OCM: variants seen among roughly 807,000 people sequenced by gnomAD.
The protein encoded by OCM is oncomodulin.
A neutral mutation model predicts 14.1 loss-of-function variants in OCM; 18 were observed. The ratio of observed to expected loss-of-function variants is 1.28; its 90% CI spans 0.88 to 1.89. The LOEUF (loss-of-function observed/expected upper bound fraction) is 1.89, where lower values mean the gene tolerates loss of function less well. OCM is among the 40% of genes most tolerant of loss of function. OCM has a pLI of 0.00. For missense variants in OCM, 140 were observed against 137.6 expected, an observed-to-expected ratio of 1.02 and a Z score of -0.09; for synonymous variants, 48 against 51.0, an observed-to-expected ratio of 0.94 and a Z score of 0.25.
the OCM span, among the ~76,000 whole-genome samples, chr7:5,868,606 GTC>G: frequency 6.6e-6 from 1 of 152,238 alleles, no homozygotes; most frequent in South Asian, 2.1e-4. Flanking sequence ...ATAGCCAGTA[GTC>G]TCTCAGATAA....
Position 5,884,833 on chromosome 7 carries a change from C to G in OCM, c.304+834C>G, listed in dbSNP as rs146612449. 1.2e-3 allele frequency among the ~76,000 whole-genome samples: 182 copies of G among 151,976 alleles called. 2 individuals carry two copies. The highest frequency in any genetic ancestry group is 3.8e-3 in the African/African-American group (159 of 41,464). On this transcript the variant is annotated intron_variant, in intron 3 of 3. Coordinates refer to ENST00000242104, the MANE Select transcript of OCM (RefSeq NM_001097622.2). Reference sequence around the variant, plus strand: ...GGGGGATTGCCTTATTTAAACATAACCAGGGGCTGGGCGTGGTGGCTCAGG... The same window carrying G: ...GGGGGATTGCCTTATTTAAACATAAGCAGGGGCTGGGCGTGGTGGCTCAGG...
the OCM span, among the ~76,000 whole-genome samples, chr7:5,861,061 A>AGGT: frequency 6.6e-5 from 10 of 152,082 alleles, no homozygotes; most frequent in African/African-American, 2.4e-4. Context: ...TGTGTGCCAC[A>AGGT]GGTGGTGGTG....
chr7:5,863,531 A>ATT, the OCM span, among the ~76,000 whole-genome samples: 72 of 133,466 alleles, frequency 5.4e-4, 1 homozygote, highest in Non-Finnish European at 7.5e-4. Context: ...TGGATGGTTC[A>ATT]TTTTTTTTTT....
In OCM at chr7:5,882,421, T is replaced by A. The variant is rs575776085; in HGVS notation, c.62-72T>A. ...GTTGAAGTGTTTTTAATTATCTGTG[T>A]TTTTAGTACCTTGGCCCCAACATAG... On this transcript the variant is annotated intron_variant, in intron 1 of 3. Transcript: ENST00000242104. 880 of 1,540,472 alleles carry A rather than the reference T, an allele frequency of 5.7e-4. 8 individuals are homozygous for A. In the South Asian group the frequency reaches 5.9e-3, roughly 10 times the overall value.
At chr7:5,868,961 G>C in the OCM span, among the ~76,000 whole-genome samples, 1 of 152,228 alleles carries the variant, frequency 6.6e-6, no homozygotes, top group East Asian at 1.9e-4. Flanking sequence ...TACTTGGGAG[G>C]CTGAGATGGG....
the OCM span, among the ~76,000 whole-genome samples, chr7:5,873,595 T>C: frequency 6.6e-6 from 1 of 152,168 alleles, no homozygotes; most frequent in Admixed American, 6.6e-5. Flanking sequence ...TGCTCCTGCC[T>C]CAGCCTCCCA....
In OCM at chr7:5,886,216, A is replaced by G. The variant is rs1259568462; in HGVS notation, c.*127A>G. 4 of 1,282,730 alleles carry G rather than the reference A, an allele frequency of 3.1e-6. No homozygotes were observed. Among genetic ancestry groups the G allele is most frequent in the Non-Finnish European group, 2.2e-6 (2 of 907,756 alleles). The allele number at this position is 1,282,730 out of a possible 1,614,324, so 79.5% of individuals were successfully genotyped here. On this transcript the variant is annotated 3_prime_UTR_variant, in exon 4 of 4. Transcript: ENST00000242104. ...TTAATTTTCCCTGAAAACCTTCTGC[A>G]GTTTGCTCATTGTTTTAGTGAGGTC...
At chr7:5,863,397 A>G in the OCM span, among the ~76,000 whole-genome samples, 8 of 152,018 alleles carry the variant, frequency 5.3e-5, no homozygotes, top group Non-Finnish European at 1.0e-4. Flanking sequence ...GGAAAGATCT[A>G]TTAGGGAGAG....
At chr7:5,867,307 A>G in the OCM span, among the ~76,000 whole-genome samples, 141 of 152,146 alleles carry the variant, frequency 9.3e-4, 2 homozygotes, top group East Asian at 0.026. Context: ...GCAAGACCCC[A>G]TCTCAAAAAA....
the OCM span, among the ~76,000 whole-genome samples, chr7:5,864,390 A>G: frequency 6.6e-6 from 1 of 151,670 alleles, no homozygotes; most frequent in Non-Finnish European, 1.5e-5. Context: ...GTGTTCTAAA[A>G]AGCAGTGGCT....
chr7:5,877,892 T>C (rs1449882284), upstream of OCM, among the ~76,000 whole-genome samples: 2 of 149,180 alleles, frequency 1.3e-5, no homozygotes, highest in East Asian at 3.9e-4. Context: ...GAGGACATTA[T>C]ACTCAGTGAA....
intron 2 of OCM, among the ~76,000 whole-genome samples, chr7:5,883,008 C>T (rs2128606994): frequency 6.6e-6 from 1 of 151,992 alleles, no homozygotes; most frequent in South Asian, 2.1e-4. Context: ...ACATCCAGCT[C>T]ATTTTCATAT....
At chr7:5,860,312 C>T in the OCM span, among the ~76,000 whole-genome samples, 1 of 148,620 alleles carries the variant, frequency 6.7e-6, no homozygotes, top group Non-Finnish European at 1.5e-5. Flanking sequence ...GCATTTCACA[C>T]ATGCCTAAGC....
chr7:5,874,069 A>T, the OCM span, among the ~76,000 whole-genome samples: 1 of 150,650 alleles, frequency 6.6e-6, no homozygotes, highest in Non-Finnish European at 1.5e-5. Context: ...TAAAAAAAAA[A>T]AAAAATTAGC....
intron 2 of OCM, among the ~76,000 whole-genome samples, chr7:5,883,154 T>G (rs533543955): frequency 1.3e-5 from 2 of 152,262 alleles, no homozygotes; most frequent in African/African-American, 4.8e-5. Context: ...AAAGATTCTT[T>G]CATGTAAGGG....
chr7:5,873,944 G>A, the OCM span, among the ~76,000 whole-genome samples: 754 of 151,758 alleles, frequency 5.0e-3, 5 homozygotes, highest in Middle Eastern at 0.02. Context: ...GGCTGGGCGC[G>A]GTGGCTCACA....
At chr7:5,885,262 C>G (rs1323476968) in intron 3 of OCM, among the ~76,000 whole-genome samples, 1 of 152,016 alleles carries the variant, frequency 6.6e-6, no homozygotes, top group African/African-American at 2.4e-5. Context: ...CTTTTAGTAA[C>G]AGAAACGTTT....
the OCM span, among the ~76,000 whole-genome samples, chr7:5,873,573 G>A: frequency 6.6e-6 from 1 of 151,944 alleles, no homozygotes; most frequent in Non-Finnish European, 1.5e-5. Flanking sequence ...TCAAACTTCT[G>A]GGCTCAAGCA....
chr7:5,868,193 C>A, the OCM span, among the ~76,000 whole-genome samples: 1 of 152,204 alleles, frequency 6.6e-6, no homozygotes, highest in Non-Finnish European at 1.5e-5. Flanking sequence ...CCTACCAAGG[C>A]TGGAATGCAG....
Sources: gnomAD v4.1 joint callset for allele counts (sites outside exome capture counted in the v4.1 genomes callset) on GRCh38, gnomAD v4.1.1 for gene constraint, MANE v1.5 for transcripts, NCBI Gene and HGNC (gene_info 2026-07-23, HGNC 2026-07-21) for gene names.